The following SGPP2 variants were observed in gnomAD, a reference collection of about 807,000 sequenced individuals.
The protein encoded by SGPP2 is sphingosine-1-phosphate phosphatase 2.
A neutral mutation model predicts 33.9 loss-of-function variants in SGPP2; 30 were observed. That is an observed-to-expected ratio of 0.89 (90% CI 0.66 to 1.20). SGPP2 has a LOEUF of 1.20. Among genes scored for constraint, SGPP2 ranks in the 50% most tolerant of loss-of-function variants. The probability of loss-of-function intolerance (pLI) is 0.00; values close to 1 mark genes in which losing one functional copy is unlikely to be tolerated. For synonymous variants in SGPP2, 233 were observed against 225.0 expected (o/e 1.04, Z -0.32); for missense variants, 458 against 532.1 (o/e 0.86, Z 1.37).
rs912625608 is a variant in SGPP2 at position 222,431,005 on chromosome 2, TAAGG to T, written c.219+6188_219+6191del. On this transcript the variant is annotated intron_variant, in intron 1 of 4. Coordinates refer to ENST00000321276, the MANE Select transcript of SGPP2 (RefSeq NM_152386.4). ...CAGAAAAAAAAAATTAGGTAAAAAA[TAAGG>T]AAGCCTGTGTAAAGTATGGACTTCA... 4.6e-5 allele frequency among the ~76,000 whole-genome samples: 7 copies of T among 151,910 alleles called. No homozygotes were observed. In the East Asian group the frequency reaches 9.7e-4, roughly 21 times the overall value.
chr2:222,437,520 G>A (rs535574309), intron 1 of SGPP2, among the ~76,000 whole-genome samples: 5 of 152,276 alleles, frequency 3.3e-5, no homozygotes, highest in East Asian at 3.9e-4. Context: ...TGAGGCCATC[G>A]GTGCAGGCTG....
intron 2 of SGPP2, among the ~76,000 whole-genome samples, chr2:222,499,535 TG>T: frequency 6.6e-6 from 1 of 152,142 alleles, no homozygotes; most frequent in South Asian, 2.1e-4. Flanking sequence ...TCTTTCTACC[TG>T]GGAGAAACCT....
chr2:222,456,374 G>A (rs1490807793), intron 1 of SGPP2, among the ~76,000 whole-genome samples: 1 of 152,302 alleles, frequency 6.6e-6, no homozygotes, highest in East Asian at 1.9e-4. Flanking sequence ...TCACGTGGCT[G>A]TTGAGCACTT....
At chr2:222,457,865 G>A (rs2106081502) in intron 1 of SGPP2, among the ~76,000 whole-genome samples, 1 of 152,170 alleles carries the variant, frequency 6.6e-6, no homozygotes, top group East Asian at 1.9e-4. Flanking sequence ...AGGCATTTGG[G>A]TAGGAAATGC....
intron 1 of SGPP2, among the ~76,000 whole-genome samples, chr2:222,456,791 A>G (rs1299038165): frequency 6.6e-6 from 1 of 152,182 alleles, no homozygotes; most frequent in Non-Finnish European, 1.5e-5. Context: ...CAGCTTCACA[A>G]CTCACAGCGA....
chr2:222,468,694 C>G lies in SGPP2; in HGVS notation c.220-5874C>G, dbSNP rs549842828. 9.8e-5 allele frequency among the ~76,000 whole-genome samples: 15 copies of G among 152,314 alleles called. No individual in the cohort carries two copies. In the South Asian group the frequency reaches 2.3e-3, roughly 23 times the overall value. The stretch of plus-strand genomic sequence containing the variant: ...TTGTATGTGTTTGGAAAGCAAAGCG[C>G]TGTTCAGGTGTTCATTGGCAGGGTT... On this transcript the variant is annotated intron_variant, in intron 1 of 4. Coordinates refer to ENST00000321276, the MANE Select transcript of SGPP2 (RefSeq NM_152386.4).
intron 1 of SGPP2, among the ~76,000 whole-genome samples, chr2:222,427,008 T>A (rs1231576607): frequency 6.6e-6 from 1 of 152,218 alleles, no homozygotes; most frequent in Non-Finnish European, 1.5e-5. Context: ...TTCTCTGACC[T>A]TCCAGCCTAG....
At position 222,430,220 on chromosome 2, in the gene SGPP2, A is replaced by C. The variant is rs552737645; in HGVS notation, c.219+5399A>C. Among the ~76,000 whole-genome samples the C allele has an allele frequency of 4.6e-5, 7 of 152,332 alleles. No individual in the cohort carries two copies. In the South Asian group the frequency reaches 1.4e-3, roughly 32 times the overall value. ...AGAGTGGGTAGGAATCAAACAGGCA[A>C]AAATGGGAGAAGCTCTTTCTTTACC... is the stretch of plus-strand genomic sequence containing the variant. On this transcript the variant is annotated intron_variant, in intron 1 of 4. Coordinates refer to ENST00000321276, the MANE Select transcript of SGPP2 (RefSeq NM_152386.4).
At chr2:222,515,984 G>T (rs1239500136) in intron 2 of SGPP2, among the ~76,000 whole-genome samples, 1 of 152,136 alleles carries the variant, frequency 6.6e-6, no homozygotes, top group Admixed American at 6.5e-5. Context: ...GGAGGCGGAG[G>T]TTGCAGTGAG....
chr2:222,446,413 A>C (rs538377502), intron 1 of SGPP2, among the ~76,000 whole-genome samples: 29 of 152,338 alleles, frequency 1.9e-4, no homozygotes, highest in Admixed American at 9.1e-4. Flanking sequence ...CAAAAGTTTT[A>C]AATGAAACAG....
chr2:222,429,097 G>A (rs1697114626), intron 1 of SGPP2, among the ~76,000 whole-genome samples: 1 of 152,122 alleles, frequency 6.6e-6, no homozygotes, highest in Non-Finnish European at 1.5e-5. Context: ...TGGGATTACA[G>A]GCTGGGATTA....
chr2:222,521,455 A>G (rs1171871100), intron 2 of SGPP2, among the ~76,000 whole-genome samples: 1 of 152,242 alleles, frequency 6.6e-6, no homozygotes, highest in Non-Finnish European at 1.5e-5. Context: ...TAGATTGAGT[A>G]AAAATCTGCA....
At chr2:222,524,829 T>C (rs1432220081) in intron 3 of SGPP2, 115 bp from the exon 4 acceptor site, 5 of 793,056 alleles carry the variant, frequency 6.3e-6, no homozygotes, top group Non-Finnish European at 1.0e-5. Flanking sequence ...GTCTGGGGAA[T>C]GCAAGATTTG....
intron 4 of SGPP2, among the ~76,000 whole-genome samples, chr2:222,544,865 G>A (rs573440751): frequency 6.6e-6 from 1 of 152,084 alleles, no homozygotes; most frequent in African/African-American, 2.4e-5. Context: ...AGCGTGTATG[G>A]GGTGTTAGTT....
chr2:222,486,100 T>G (rs1698103037), intron 2 of SGPP2, among the ~76,000 whole-genome samples: 1 of 152,196 alleles, frequency 6.6e-6, no homozygotes, highest in Non-Finnish European at 1.5e-5. Flanking sequence ...TGCCACAAGA[T>G]GCTTCTCAGG....
At chr2:222,534,536 C>T (rs935148007) in intron 4 of SGPP2, among the ~76,000 whole-genome samples, 1 of 152,138 alleles carries the variant, frequency 6.6e-6, no homozygotes, top group African/African-American at 2.4e-5. Flanking sequence ...AAATTATCTG[C>T]AGACCATACA....
chr2:222,498,249 C>T (rs1698311165), intron 2 of SGPP2: 1 of 152,072 alleles, frequency 6.6e-6, no homozygotes, highest in Admixed American at 6.5e-5. Flanking sequence ...GGATGAGGTG[C>T]CCTCAACTCT....
chr2:222,490,604 ATTTTTTTTTT>A (rs60235375), intron 2 of SGPP2, among the ~76,000 whole-genome samples: 5 of 115,460 alleles, frequency 4.3e-5, no homozygotes, highest in East Asian at 2.3e-4. Flanking sequence ...CACCTGGCTA[ATTTTTTTTTT>A]TTTTTTTTTT....
At chr2:222,455,982 G>A (rs1292270946) in intron 1 of SGPP2, among the ~76,000 whole-genome samples, 2 of 152,024 alleles carry the variant, frequency 1.3e-5, no homozygotes, top group African/African-American at 4.8e-5. Context: ...GGGAGGCTAA[G>A]GTGGGAGGAT....
Sources: gnomAD v4.1 joint callset for allele counts (sites outside exome capture counted in the v4.1 genomes callset) on GRCh38, gnomAD v4.1.1 for gene constraint, MANE v1.5 for transcripts, NCBI Gene and HGNC (gene_info 2026-07-23, HGNC 2026-07-21) for gene names.